The following CLMP variants were observed in gnomAD, a reference collection of about 807,000 sequenced individuals.
The protein encoded by CLMP is CXADR like cell adhesion molecule, also known as CXADR-like membrane protein.
CLMP carries 27 observed loss-of-function variants against 45.2 expected under a neutral mutation model. That is an observed-to-expected ratio of 0.60 (90% CI 0.44 to 0.82). The LOEUF is 0.82. CLMP is among the 40% of genes least tolerant of loss of function. The probability of loss-of-function intolerance (pLI) is 0.00; values close to 1 mark genes in which losing one functional copy is unlikely to be tolerated. For missense variants in CLMP, 403 were observed against 448.4 expected (o/e 0.90, Z 0.91); for synonymous variants, 167 against 171.4 (o/e 0.97, Z 0.20).
chr11:123,150,521 AAGGAAGGAAAGAAAC>A lies in CLMP; in HGVS notation c.28+44377_28+44391del, dbSNP rs1380284631. 1.7e-3 allele frequency among the ~76,000 whole-genome samples: 223 copies of A among 128,450 alleles called. 1 individual carries two copies. Among genetic ancestry groups the A allele is most frequent in the Middle Eastern group, 8.2e-3 (2 of 244 alleles). 84.3% of individuals were successfully genotyped at this position (128,450 alleles called of 152,430 possible). Reference sequence around the variant, plus strand: ...GAAGGAAGGAAGGAAGGAAGGAAGGAAGGAAGGAAAGAAACAAGCAAGGAAGGAAGGAAGGAAGGA... The same window carrying A: ...GAAGGAAGGAAGGAAGGAAGGAAGGAAAGCAAGGAAGGAAGGAAGGAAGGA... On this transcript the variant is annotated intron_variant, in intron 1 of 6. Coordinates refer to ENST00000448775, the MANE Select transcript of CLMP (RefSeq NM_024769.5).
At chr11:123,099,190 C>T (rs1244074989) in intron 1 of CLMP, among the ~76,000 whole-genome samples, 1 of 152,144 alleles carries the variant, frequency 6.6e-6, no homozygotes, top group South Asian at 2.1e-4. Flanking sequence ...GAAGATGATA[C>T]TCATGGAAAC....
In CLMP at chr11:123,194,979, T is replaced by C; in HGVS notation, c.-39A>G. The C allele has an allele frequency of 6.2e-7, 1 of 1,603,428 alleles. No individual in the cohort carries two copies. The highest frequency in any genetic ancestry group is 8.5e-7 in the Non-Finnish European group (1 of 1,175,270). ...CGCGGGCGCTTCCCCGCTCAGCTGC[T>C]GCTTGGCTCCGGGGCGGCCGGGCGC... On this transcript the variant is annotated 5_prime_UTR_variant, in exon 1 of 7. Coordinates refer to ENST00000448775, the MANE Select transcript of CLMP (RefSeq NM_024769.5).
intron 1 of CLMP, among the ~76,000 whole-genome samples, chr11:123,101,401 C>T (rs1248473673): frequency 6.6e-6 from 1 of 152,236 alleles, no homozygotes; most frequent in Non-Finnish European, 1.5e-5. Context: ...GCCACCAAAC[C>T]CGGCCTCCCT....
At chr11:123,118,975 T>C (rs150209276) in intron 1 of CLMP, among the ~76,000 whole-genome samples, 116 of 45,880 alleles carry the variant, frequency 2.5e-3, no homozygotes, top group African/African-American at 5.9e-3. Context: ...CTTTCTTTCT[T>C]TCTTTCTTTC....
At chr11:123,133,663 G>A (rs543592670) in intron 1 of CLMP, among the ~76,000 whole-genome samples, 15 of 152,156 alleles carry the variant, frequency 9.9e-5, no homozygotes, top group Admixed American at 3.3e-4. Context: ...ATTTTAAGCC[G>A]AAGAAATCTG....
intron 1 of CLMP, among the ~76,000 whole-genome samples, chr11:123,150,480 A>AAAGAAAGGAAGGAAGGAAGG (rs764502298): frequency 1.2e-4 from 5 of 40,944 alleles, no homozygotes; most frequent in Admixed American, 2.7e-4. Flanking sequence ...AGAAAGAAAG[A>AAAGAAAGGAAGGAAGGAAGG]AAGGAAGGAA....
In CLMP at chr11:123,074,719, C is replaced by T. The variant is rs368097591; in HGVS notation, c.804G>A (p.Glu268=). The change falls in exon 6 of 7, where the codon GAG becomes GAA. Residue 268 remains glutamate, a synonymous_variant. Coordinates refer to ENST00000448775, the MANE Select transcript of CLMP (RefSeq NM_024769.5). ...AGGTTTACCGAATTTCATTAGGTCT[C>T]TCTTCTTCCTCATATCTTTCTTTGT... ...RKDKERYEEE[E]RPNEIREDAE... The T allele has an allele frequency of 2.5e-5, 40 of 1,614,146 alleles. No individual in the cohort carries two copies. The highest frequency in any genetic ancestry group is 1.6e-4 in the Middle Eastern group (1 of 6,062).
chr11:123,150,457 AAGAAAGAAAGAAAGAAAGAAAG>A (rs1434079128), intron 1 of CLMP, among the ~76,000 whole-genome samples: 3 of 102,002 alleles, frequency 2.9e-5, no homozygotes, highest in Non-Finnish European at 4.2e-5. Context: ...GAAAGAAAGA[AAGAAAGAAAGAAAGAAAGAAAG>A]AAAGGAAGGA....
intron 1 of CLMP, among the ~76,000 whole-genome samples, chr11:123,114,025 A>T (rs1185249716): frequency 6.6e-6 from 1 of 152,132 alleles, no homozygotes; most frequent in East Asian, 1.9e-4. Flanking sequence ...TCTCATGCTA[A>T]CCTATTTCAT....
At chr11:123,118,422 A>T (rs1303757443) in intron 1 of CLMP, among the ~76,000 whole-genome samples, 2 of 152,242 alleles carry the variant, frequency 1.3e-5, no homozygotes, top group African/African-American at 4.8e-5. Flanking sequence ...GGCATAAGCC[A>T]CCAAGCCCAG....
intron 1 of CLMP, among the ~76,000 whole-genome samples, chr11:123,177,653 A>G (rs1212917853): frequency 6.6e-6 from 1 of 152,166 alleles, no homozygotes; most frequent in Admixed American, 6.5e-5. Context: ...TCTGGACTAT[A>G]GCTGAGATTG....
At chr11:123,172,172 A>G (rs1861644058) in intron 1 of CLMP, among the ~76,000 whole-genome samples, 1 of 151,948 alleles carries the variant, frequency 6.6e-6, no homozygotes, top group African/African-American at 2.4e-5. Flanking sequence ...TTTTCTTGAG[A>G]TGGAGTCTCG....
In CLMP at chr11:123,150,525, A is replaced by C. The variant is rs574279377; in HGVS notation, c.28+44388T>G. Among the ~76,000 whole-genome samples the C allele has an allele frequency of 2.1e-3, 269 of 126,316 alleles. 2 individuals carry two copies. Among genetic ancestry groups the C allele is most frequent in the East Asian group, 6.3e-3 (23 of 3,632 alleles). The allele number at this position is 126,316 out of a possible 152,430, so 82.9% of individuals were successfully genotyped here. A position where few individuals can be genotyped will look rare whatever the true frequency, so the allele number is the denominator to read the frequency against. On this transcript the variant is annotated intron_variant, in intron 1 of 6. Transcript: ENST00000448775. Reference sequence around the variant, plus strand: ...GAAGGAAGGAAGGAAGGAAGGAAGGAAGGAAAGAAACAAGCAAGGAAGGAA... The same window carrying C: ...GAAGGAAGGAAGGAAGGAAGGAAGGCAGGAAAGAAACAAGCAAGGAAGGAA...
At chr11:123,094,144 G>A (rs1001510613) in intron 2 of CLMP, among the ~76,000 whole-genome samples, 2 of 152,082 alleles carry the variant, frequency 1.3e-5, no homozygotes, top group Non-Finnish European at 1.5e-5. Context: ...ATGGTCTCCT[G>A]TCACCCAGGC....
chr11:123,145,594 C>T (rs916061625), intron 1 of CLMP, among the ~76,000 whole-genome samples: 3 of 151,802 alleles, frequency 2.0e-5, no homozygotes, highest in African/African-American at 4.8e-5. Context: ...TCCCGAGTAG[C>T]TGGGCCTACA....
chr11:123,121,945 T>C (rs1360208327), intron 1 of CLMP, among the ~76,000 whole-genome samples: 1 of 152,130 alleles, frequency 6.6e-6, no homozygotes, highest in Non-Finnish European at 1.5e-5. Context: ...GGTTTTGCCA[T>C]GTTGCCAGGC....
At chr11:123,167,550 G>T (rs566569613) in intron 1 of CLMP, among the ~76,000 whole-genome samples, 1 of 151,960 alleles carries the variant, frequency 6.6e-6, no homozygotes, top group Admixed American at 6.5e-5. Flanking sequence ...CTCCCAAAGT[G>T]CTGGGATTAC....
At chr11:123,118,934 TTTCTTTCTTTC>T (rs1283746930) in intron 1 of CLMP, among the ~76,000 whole-genome samples, 511 of 28,102 alleles carry the variant, frequency 0.018, 15 homozygotes, top group Non-Finnish European at 0.026. Flanking sequence ...TTTTCTTTTC[TTTCTTTCTTTC>T]TTTCTTTCTT....
At chr11:123,187,852 C>A (rs540264825) in intron 1 of CLMP, among the ~76,000 whole-genome samples, 10 of 152,288 alleles carry the variant, frequency 6.6e-5, no homozygotes, top group South Asian at 6.2e-4. Context: ...CTGATTAATT[C>A]TACTCATTTC....
Sources: gnomAD v4.1 joint callset for allele counts (sites outside exome capture counted in the v4.1 genomes callset) on GRCh38, gnomAD v4.1.1 for gene constraint, MANE v1.5 for transcripts, NCBI Gene and HGNC (gene_info 2026-07-23, HGNC 2026-07-21) for gene names.